ASAH2: variants seen among roughly 807,000 people sequenced by gnomAD.
The protein encoded by ASAH2 is N-acylsphingosine amidohydrolase 2.
A neutral mutation model predicts 82.9 loss-of-function variants in ASAH2; 58 were observed. The ratio of observed to expected loss-of-function variants is 0.70; its 90% CI spans 0.57 to 0.87. The LOEUF is 0.87. ASAH2 is among the 40% of genes least tolerant of loss of function. The pLI is 0.00. For synonymous variants in ASAH2, 276 were observed against 289.7 expected (o/e 0.95, Z 0.48); for missense variants, 779 against 834.0 (o/e 0.93, Z 0.81).
intron 8 of ASAH2, among the ~76,000 whole-genome samples, chr10:50,217,629 T>A (rs1232268573): frequency 2.0e-5 from 3 of 152,160 alleles, no homozygotes; most frequent in African/African-American, 7.2e-5. Flanking sequence ...AGTTGTTCAG[T>A]CTTGAACTTT....
intron 7 of ASAH2, among the ~76,000 whole-genome samples, chr10:50,227,855 G>C (rs1296477164): frequency 6.6e-6 from 1 of 152,066 alleles, no homozygotes; most frequent in Non-Finnish European, 1.5e-5. Context: ...TTCACCTACG[G>C]GGCAGGGGAG....
chr10:50,216,241 C>T (rs1845597490), intron 8 of ASAH2, among the ~76,000 whole-genome samples: 1 of 151,846 alleles, frequency 6.6e-6, no homozygotes, highest in South Asian at 2.1e-4. Context: ...ACCACCATAG[C>T]ACGTGTATAC....
intron 12 of ASAH2, 77 bp downstream of exon 12, chr10:50,210,746 C>T: frequency 2.4e-6 from 3 of 1,225,568 alleles, no homozygotes. Context: ...GTATTGGCTA[C>T]AATGAAACCT....
In ASAH2 at chr10:50,185,223, G is replaced by C. The variant is rs1207518647; in HGVS notation, c.*2092C>G. 6.6e-6 allele frequency: 1 copy of C among 150,768 alleles called. No individual in the cohort carries two copies. The highest frequency in any genetic ancestry group is 2.5e-5 in the African/African-American group (1 of 40,784). The allele number at this position is 150,768 out of a possible 1,614,324, so 9.3% of individuals were successfully genotyped here. A position where few individuals can be genotyped will look rare whatever the true frequency, so the allele number is the denominator to read the frequency against. On this transcript the variant is annotated 3_prime_UTR_variant, in exon 21 of 21. Coordinates refer to ENST00000682911, the MANE Select transcript of ASAH2 (RefSeq NM_019893.4). The stretch of plus-strand genomic sequence containing the variant: ...CAACAGATAAGTTCAATTACTTCAT[G>C]ATATTCTTTTATGCACAGGTAAAGA...
intron 5 of ASAH2, among the ~76,000 whole-genome samples, chr10:50,234,770 G>A (rs534191827): frequency 0.02 from 3,007 of 152,064 alleles, 82 homozygotes; most frequent in Middle Eastern, 0.099. Flanking sequence ...CGTGTTATAC[G>A]GAAGCACAGT....
At chr10:50,209,754 G>T (rs1430846334) in intron 12 of ASAH2, among the ~76,000 whole-genome samples, 1 of 152,130 alleles carries the variant, frequency 6.6e-6, no homozygotes, top group East Asian at 1.9e-4. Context: ...CTCCAAGGGA[G>T]ATATATATGT....
At chr10:50,203,573 G>A in intron 15 of ASAH2, 67 bp downstream of exon 15, 1 of 528,238 alleles carries the variant, frequency 1.9e-6, no homozygotes, top group Non-Finnish European at 3.2e-6. Flanking sequence ...AGGATCATAG[G>A]GATAGGATAT....
intron 12 of ASAH2, among the ~76,000 whole-genome samples, chr10:50,208,516 C>G (rs1845368637): frequency 1.3e-5 from 2 of 151,502 alleles, no homozygotes; most frequent in African/African-American, 4.8e-5. Flanking sequence ...TTTCTATGAA[C>G]AATCCAAAAA....
chr10:50,241,840 G>A (rs533359527), intron 4 of ASAH2, among the ~76,000 whole-genome samples: 9 of 152,210 alleles, frequency 5.9e-5, no homozygotes, highest in Admixed American at 5.2e-4. Context: ...GTTGAACAAT[G>A]AGAACACATG....
intron 7 of ASAH2, among the ~76,000 whole-genome samples, chr10:50,220,111 A>G (rs1845703330): frequency 6.6e-6 from 1 of 152,260 alleles, no homozygotes. Context: ...GATTCAAACA[A>G]AACAACTATT....
intron 7 of ASAH2, among the ~76,000 whole-genome samples, chr10:50,229,720 C>T (rs1845979104): frequency 6.6e-6 from 1 of 152,130 alleles, no homozygotes; most frequent in Non-Finnish European, 1.5e-5. Flanking sequence ...AAATGCTTCC[C>T]CATTTGTGTT....
chr10:50,208,877 G>A lies in ASAH2; in HGVS notation c.1414+1946C>T, dbSNP rs1845380198. Among the ~76,000 whole-genome samples the A allele has an allele frequency of 2.6e-5, 4 of 152,196 alleles. No individual in the cohort carries two copies. In the South Asian group the frequency reaches 8.3e-4, roughly 32 times the overall value. On this transcript the variant is annotated intron_variant, in intron 12 of 20. Transcript: ENST00000682911. The stretch of plus-strand genomic sequence containing the variant: ...AACAATCTTGGAAGAGGAGGACAAG[G>A]TAGAAAGACATACTTTCTGATCTTA...
intron 7 of ASAH2, among the ~76,000 whole-genome samples, chr10:50,230,348 A>G (rs915033564): frequency 0.27 from 41,613 of 152,002 alleles, 6,426 homozygotes; most frequent in East Asian, 0.59. Context: ...AGGTTAAACT[A>G]GGTCATCTCC....
At chr10:50,219,798 C>T (rs1180309439) in intron 7 of ASAH2, among the ~76,000 whole-genome samples, 5 of 152,176 alleles carry the variant, frequency 3.3e-5, no homozygotes, top group Admixed American at 6.5e-5. Flanking sequence ...ATTGGCTCTA[C>T]GCAGGCAACA....
Position 50,188,951 on chromosome 10 carries a change from C to T in ASAH2, c.2153+548G>A, listed in dbSNP as rs1265070298. On this transcript the variant is annotated intron_variant, in intron 20 of 20. Coordinates refer to ENST00000682911, the MANE Select transcript of ASAH2 (RefSeq NM_019893.4). The stretch of plus-strand genomic sequence containing the variant: ...TCTATTCAACTCAGGAATTTGGTAG[C>T]AAAAGGCAAAGAGATATGTCTCTCC... Among the ~76,000 whole-genome samples, 2 of 134,508 alleles carry T rather than the reference C, an allele frequency of 1.5e-5. 1 individual carries two copies. Among genetic ancestry groups the T allele is most frequent in the Non-Finnish European group, 3.2e-5 (2 of 62,792 alleles). 88.2% of individuals were successfully genotyped at this position (134,508 alleles called of 152,430 possible).
intron 10 of ASAH2, 75 bp from the exon 11 acceptor site, chr10:50,211,209 C>G: frequency 9.4e-7 from 1 of 1,068,196 alleles, no homozygotes; most frequent in South Asian, 1.3e-5. Context: ...CAGGAAGTAC[C>G]AATTTGATGC....
At chr10:50,204,817 A>T (rs1484405704) in intron 14 of ASAH2, 44 bp downstream of exon 14, 2 of 1,396,224 alleles carry the variant, frequency 1.4e-6, no homozygotes, top group Non-Finnish European at 2.0e-6. Flanking sequence ...AACAGAACAT[A>T]CAACAAACAC....
At chr10:50,204,537 C>T (rs1845243377) in intron 14 of ASAH2, among the ~76,000 whole-genome samples, 1 of 151,906 alleles carries the variant, frequency 6.6e-6, no homozygotes, top group Non-Finnish European at 1.5e-5. Context: ...CTTTTAATAC[C>T]TAATCTGATT....
intron 4 of ASAH2, among the ~76,000 whole-genome samples, chr10:50,242,295 C>T (rs1846321420): frequency 6.6e-6 from 1 of 152,168 alleles, no homozygotes; most frequent in Non-Finnish European, 1.5e-5. Flanking sequence ...GCTCTCCTCC[C>T]CAAGAGGGAG....
Sources: gnomAD v4.1 joint callset for allele counts (sites outside exome capture counted in the v4.1 genomes callset) on GRCh38, gnomAD v4.1.1 for gene constraint, MANE v1.5 for transcripts, NCBI Gene and HGNC (gene_info 2026-07-23, HGNC 2026-07-21) for gene names.